The following SIPA1L3 variants were observed in gnomAD, a reference collection of about 807,000 sequenced individuals.
SIPA1L3 encodes the protein signal induced proliferation associated 1 like 3.
A neutral mutation model predicts 150.1 loss-of-function variants in SIPA1L3; 59 were observed. The ratio of observed to expected loss-of-function variants is 0.39; its 90% CI spans 0.32 to 0.49. The LOEUF (loss-of-function observed/expected upper bound fraction) is 0.49, where lower values mean the gene tolerates loss of function less well. Ranked by LOEUF, SIPA1L3 falls within the 20% of genes least tolerant of loss-of-function variation. The pLI, the probability that SIPA1L3 is intolerant of heterozygous loss-of-function variation, is 0.86. For missense variants in SIPA1L3, 2,211 were observed against 2,489.5 expected (o/e 0.89, Z 2.38); for synonymous variants, 1,070 against 1,077.6 (o/e 0.99, Z 0.14).
chr19:38,208,229 T>A lies in SIPA1L3; in HGVS notation c.*1989T>A, dbSNP rs184989134. 1.3e-5 allele frequency: 2 copies of A among 149,910 alleles called. No individual in the cohort carries two copies. Among genetic ancestry groups the A allele is most frequent in the African/African-American group, 4.9e-5 (2 of 40,804 alleles). The allele number at this position is 149,910 out of a possible 1,614,324, so 9.3% of individuals were successfully genotyped here. A position where few individuals can be genotyped will look rare whatever the true frequency, so the allele number is the denominator to read the frequency against. ...TCCAATGGCCGAAGATAGCAGCAGG[T>A]TTTTTTTTTCATATGTTGATTTGTT... On this transcript the variant is annotated 3_prime_UTR_variant, in exon 22 of 22. Coordinates refer to ENST00000222345, the MANE Select transcript of SIPA1L3 (RefSeq NM_015073.3).
At chr19:38,009,151 C>G (rs982690312) in intron 1 of SIPA1L3, among the ~76,000 whole-genome samples, 2 of 152,070 alleles carry the variant, frequency 1.3e-5, no homozygotes, top group African/African-American at 2.4e-5. Context: ...TCTCCTGCCT[C>G]AGTCTCCTGA....
intron 2 of SIPA1L3, among the ~76,000 whole-genome samples, chr19:38,060,208 A>T (rs1969417244): frequency 6.6e-6 from 1 of 152,204 alleles, no homozygotes; most frequent in Non-Finnish European, 1.5e-5. Flanking sequence ...AACTTTATAT[A>T]AAAACAGTTG....
At chr19:37,996,185 A>G (rs893588274) in intron 1 of SIPA1L3, among the ~76,000 whole-genome samples, 1 of 152,052 alleles carries the variant, frequency 6.6e-6, no homozygotes, top group Non-Finnish European at 1.5e-5. Flanking sequence ...GCCTTGGCCA[A>G]CCAAAGTGTT....
rs150985395 is a variant in SIPA1L3, at chr19:38,164,686, C to G, written c.3988C>G (p.Arg1330Gly). The G allele has an allele frequency of 6.2e-7, 1 of 1,613,812 alleles. No individual in the cohort carries two copies. Among genetic ancestry groups the G allele is most frequent in the Admixed American group, 1.7e-5 (1 of 59,984 alleles). ...PSCMSLAKAP[R>G]PAKPHKPPGS... Reference sequence around the variant, plus strand: ...CTGCATGTCCCTGGCCAAGGCTCCACGGCCCGCCAAGCCACACAAGCCCCC... The same window carrying G: ...CTGCATGTCCCTGGCCAAGGCTCCAGGGCCCGCCAAGCCACACAAGCCCCC... The change falls in exon 15 of 22, where the codon CGG becomes GGG. Residue 1330 changes from arginine to glycine, a missense_variant. Around this residue, in one of 5 missense-constraint regions of SIPA1L3, gnomAD observed 806 missense variants for 870.1 expected, o/e 0.93. Transcript: ENST00000222345. The surrounding 1 kb of genome is among the most constrained non-coding windows in gnomAD (Gnocchi z 4.1).
At position 38,114,538 on chromosome 19, in the gene SIPA1L3, C is replaced by T. The variant is rs534758201; in HGVS notation, c.2291+4154C>T. ...GACAGGGGAGGTCATCTCATCCATC[C>T]CCCTGCCTGGGGTAAGGCCATGTCC... On this transcript the variant is annotated intron_variant, in intron 8 of 21. Transcript: ENST00000222345. Among the ~76,000 whole-genome samples the T allele has an allele frequency of 4.6e-3, 702 of 152,344 alleles. 2 individuals carry two copies. Among genetic ancestry groups the T allele is most frequent in the Non-Finnish European group, 8.4e-3 (571 of 68,030 alleles).
intron 1 of SIPA1L3, among the ~76,000 whole-genome samples, chr19:37,933,765 G>A (rs1199494473): frequency 6.6e-6 from 1 of 152,204 alleles, no homozygotes; most frequent in Non-Finnish European, 1.5e-5. Context: ...TGCAACCCCT[G>A]CAGTCTGTGC....
chr19:37,948,869 G>A (rs1031478493), intron 1 of SIPA1L3, among the ~76,000 whole-genome samples: 4 of 152,204 alleles, frequency 2.6e-5, no homozygotes, highest in African/African-American at 4.8e-5. Flanking sequence ...GGAGCCAGCC[G>A]TGGAAGGCAC....
intron 1 of SIPA1L3, among the ~76,000 whole-genome samples, chr19:37,955,426 T>C (rs1232812984): frequency 6.8e-6 from 1 of 147,742 alleles, no homozygotes. Context: ...ATTCAGCTGT[T>C]TTTGGTAAAT....
In SIPA1L3 at chr19:38,205,457, C is replaced by CAA. The variant is rs763908720; in HGVS notation, c.5203-622_5203-621dup. ...GGGCGACAAGAGCAAAACCCAGTCT[C>CAA]AAAAAAAAAAAAAAAAAAATGAGGA... On this transcript the variant is annotated intron_variant, in intron 21 of 21. Transcript: ENST00000222345. 1.1e-3 allele frequency among the ~76,000 whole-genome samples: 82 copies of CAA among 75,408 alleles called. 2 individuals are homozygous for CAA. Among genetic ancestry groups the CAA allele is most frequent in the African/African-American group, 2.3e-3 (54 of 22,980 alleles). 49.5% of individuals were successfully genotyped at this position (75,408 alleles called of 152,430 possible). A position where few individuals can be genotyped will look rare whatever the true frequency, so the allele number is the denominator to read the frequency against.
chr19:37,963,695 C>A (rs375104057), intron 1 of SIPA1L3, among the ~76,000 whole-genome samples: 3 of 152,332 alleles, frequency 2.0e-5, no homozygotes, highest in African/African-American at 7.2e-5. Context: ...TTCTAGAATC[C>A]TCAAATGGTT....
intron 19 of SIPA1L3, among the ~76,000 whole-genome samples, chr19:38,199,462 A>G (rs558669229): frequency 1.3e-3 from 191 of 152,338 alleles, no homozygotes; most frequent in African/African-American, 4.1e-3. Context: ...TGTGCCTGGC[A>G]TGCCTGGGAG....
At position 38,082,207 on chromosome 19, in the gene SIPA1L3, C is replaced by A. The variant is rs1056881865; in HGVS notation, c.642C>A (p.Pro214=). ...CGTCCATCGACGTGCAGGGCATGCC[C>A]GAGCAGAGCTTCTTCGACATCCTGA... is the stretch of plus-strand genomic sequence containing the variant. The part of the protein sequence containing the change: ...STSSIDVQGM[P]EQSFFDILNE... Residue 214 remains proline (P), a synonymous_variant, in exon 3 of 22, where the codon CCC becomes CCA. Transcript: ENST00000222345. 24 of 1,602,996 alleles carry A rather than the reference C, an allele frequency of 1.5e-5. No individual in the cohort carries two copies. The highest frequency in any genetic ancestry group is 2.0e-5 in the Non-Finnish European group (24 of 1,179,764).
intron 8 of SIPA1L3, among the ~76,000 whole-genome samples, chr19:38,113,105 G>A (rs952346734): frequency 6.6e-6 from 1 of 152,068 alleles, no homozygotes; most frequent in African/African-American, 2.4e-5. Context: ...CTGTTCCTCT[G>A]GAGGTTGAGG....
At chr19:38,009,104 G>A (rs550933207) in intron 1 of SIPA1L3, among the ~76,000 whole-genome samples, 5 of 151,666 alleles carry the variant, frequency 3.3e-5, no homozygotes, top group East Asian at 3.9e-4. Flanking sequence ...GCATGATCTC[G>A]GCTCACTGCA....
chr19:38,135,585 G>T (rs980990696), intron 10 of SIPA1L3, among the ~76,000 whole-genome samples: 1 of 152,234 alleles, frequency 6.6e-6, no homozygotes, highest in African/African-American at 2.4e-5. Context: ...AAACTGAAAG[G>T]CAAAGAAAAG....
At chr19:37,913,470 A>G (rs925931281) in intron 1 of SIPA1L3, among the ~76,000 whole-genome samples, 2 of 152,126 alleles carry the variant, frequency 1.3e-5, no homozygotes, top group East Asian at 3.9e-4. Flanking sequence ...ATCTCAGCTC[A>G]CTGCAACCAC....
intron 15 of SIPA1L3, among the ~76,000 whole-genome samples, chr19:38,170,689 A>C (rs1972308926): frequency 1.3e-5 from 2 of 152,196 alleles, no homozygotes. Context: ...ATAATGCCAA[A>C]AGTCATGAAT....
rs1483152645 is a variant in SIPA1L3, at chr19:38,164,469, T to C, written c.3781-10T>C. ...GAGTCTGGGAATGACACGCTTCTCT[T>C]GCCTCTCAGGGAGAACCTCAATACT... On this transcript the variant is annotated splice_polypyrimidine_tract_variant and intron_variant, in intron 14 of 21. Transcript: ENST00000222345. The surrounding 1 kb of genome is among the most constrained non-coding windows in gnomAD (Gnocchi z 4.1). The C allele has an allele frequency of 1.9e-6, 3 of 1,590,962 alleles. No individual in the cohort carries two copies.
chr19:38,025,127 C>A (rs1317095813), intron 1 of SIPA1L3, among the ~76,000 whole-genome samples: 1 of 152,190 alleles, frequency 6.6e-6, no homozygotes, highest in East Asian at 1.9e-4. Flanking sequence ...AGCAAAATGT[C>A]CAGGGCCCAC....
Sources: allele counts gnomAD v4.1 joint callset (sites outside exome capture counted in the v4.1 genomes callset), GRCh38; gene constraint gnomAD v4.1.1; regional missense constraint gnomAD v4.1.1; non-coding constraint Gnocchi (gnomAD v3.1); transcripts MANE v1.5; gene names NCBI Gene and HGNC (gene_info 2026-07-23, HGNC 2026-07-21).